NINL: variants seen among roughly 807,000 people sequenced by gnomAD.
NINL encodes the protein ninein like.
In NINL, 153 loss-of-function variants were observed where a neutral mutation model predicts 160.3. That is an observed-to-expected ratio of 0.95 (90% CI 0.84 to 1.09). The LOEUF is 1.09. NINL is among the 50% of genes least tolerant of loss of function. The pLI, the probability that NINL is intolerant of heterozygous loss-of-function variation, is 0.00. For missense variants in NINL, 1,829 were observed against 1,764.0 expected, an observed-to-expected ratio of 1.04 and a Z score of -0.66; for synonymous variants, 800 against 734.8, an observed-to-expected ratio of 1.09 and a Z score of -1.43.
In NINL at chr20:25,476,945, C is replaced by G. The variant is rs1189458201; in HGVS notation, c.2346G>C (p.Glu782Asp). ...CACAGGGCTGCAGCTTCAGTGCCCT[C>G]TCCAGCTCCAGCTGCTCCGACCTCT... is the stretch of plus-strand genomic sequence containing the variant. Reference protein sequence around the residue: ...GSQRSEQLELERALKLQPCAS... With the variant: ...GSQRSEQLELDRALKLQPCAS... Residue 782 changes from glutamate to aspartate, a missense_variant, in exon 17 of 24, where the codon GAG becomes GAC. By Grantham distance (45) the Glu-to-Asp change is conservative. Transcript: ENST00000278886. The G allele has an allele frequency of 6.2e-7, 1 of 1,610,488 alleles. No individual in the cohort carries two copies. The highest frequency in any genetic ancestry group is 1.7e-5 in the Admixed American group (1 of 59,984).
chr20:25,471,533 T>A (rs894689919), intron 17 of NINL, among the ~76,000 whole-genome samples: 9 of 151,952 alleles, frequency 5.9e-5, no homozygotes, highest in Admixed American at 5.2e-4. Flanking sequence ...AACAACTAGA[T>A]CCTGCGCAAA....
At chr20:25,514,374 G>A (rs1046877687) in intron 3 of NINL, among the ~76,000 whole-genome samples, 2 of 152,202 alleles carry the variant, frequency 1.3e-5, no homozygotes, top group Non-Finnish European at 2.9e-5. Context: ...TTCAAGATGT[G>A]CCCTGGCTGC....
At chr20:25,571,875 A>G (rs1187218371) in intron 1 of NINL, among the ~76,000 whole-genome samples, 15 of 150,324 alleles carry the variant, frequency 1.0e-4, no homozygotes, top group Non-Finnish European at 1.9e-4. Context: ...CTGAAAAAAA[A>G]AAAAAAAAAA....
At position 25,468,968 on chromosome 20, in the gene NINL, C is replaced by T. The variant is rs1357239073; in HGVS notation, c.3353+1023G>A. On this transcript the variant is annotated intron_variant, in intron 18 of 23. Transcript: ENST00000278886. Reference sequence around the variant, plus strand: ...ACTCTCACTGGTGGGTGCCCCACTGCCCTGTCCCCTGACTCTCACTGGTGA... The same window carrying T: ...ACTCTCACTGGTGGGTGCCCCACTGTCCTGTCCCCTGACTCTCACTGGTGA... Among the ~76,000 whole-genome samples, 196 of 140,484 alleles carry T rather than the reference C, an allele frequency of 1.4e-3. 1 individual carries two copies. Among genetic ancestry groups the T allele is most frequent in the African/African-American group, 4.8e-3 (164 of 34,188 alleles). The allele number at this position is 140,484 out of a possible 152,430, so 92.2% of individuals were successfully genotyped here. A position where few individuals can be genotyped will look rare whatever the true frequency, so the allele number is the denominator to read the frequency against.
At chr20:25,583,018 C>T (rs1001170386) in intron 1 of NINL, among the ~76,000 whole-genome samples, 2 of 152,134 alleles carry the variant, frequency 1.3e-5, no homozygotes, top group African/African-American at 4.8e-5. Context: ...AAACCCAAAA[C>T]CATAAAAAAC....
chr20:25,505,727 TGGATGGATGGACAGATAGCA>T (rs1422085852), intron 5 of NINL, among the ~76,000 whole-genome samples: 5 of 152,282 alleles, frequency 3.3e-5, no homozygotes, highest in African/African-American at 7.2e-5. Flanking sequence ...GATAGAGGGC[TGGATGGATGGACAGATAGCA>T]GGATGGATGG....
chr20:25,479,855 C>A (rs2063349751), intron 15 of NINL, among the ~76,000 whole-genome samples: 2 of 152,236 alleles, frequency 1.3e-5, no homozygotes, highest in Non-Finnish European at 2.9e-5. Flanking sequence ...CTGATTCCCA[C>A]CCACAGACCA....
intron 1 of NINL, among the ~76,000 whole-genome samples, chr20:25,571,892 A>G (rs2065058279): frequency 8.2e-6 from 1 of 121,994 alleles, no homozygotes; most frequent in African/African-American, 2.9e-5. Context: ...AAAAAAAAAA[A>G]AGGTTGCTTT....
intron 1 of NINL, among the ~76,000 whole-genome samples, chr20:25,530,706 A>G (rs1011177132): frequency 2.0e-5 from 3 of 152,150 alleles, no homozygotes; most frequent in African/African-American, 7.2e-5. Flanking sequence ...CTGCAAAACC[A>G]GCAAGTTTTT....
rs557501516 is a variant in NINL, at chr20:25,521,125, C to T, written c.181-3276G>A. Among the ~76,000 whole-genome samples the T allele has an allele frequency of 6.6e-5, 10 of 152,320 alleles. No homozygotes were observed. The South Asian group carries it at 1.4e-3, about 22-fold the overall frequency. ...CAGTTAAAGGGATGCTGGACTTTCT[C>T]ACTCCATCTGTACCACCTCTTTTTA... On this transcript the variant is annotated intron_variant, in intron 2 of 23. Coordinates refer to ENST00000278886, the MANE Select transcript of NINL (RefSeq NM_025176.6).
At position 25,585,518 on chromosome 20, in the gene NINL, C is replaced by G. The variant is rs1417112389; in HGVS notation, c.-75G>C. On this transcript the variant is annotated 5_prime_UTR_variant, in exon 1 of 24. Coordinates refer to ENST00000278886, the MANE Select transcript of NINL (RefSeq NM_025176.6). ...GAGCGCGGCACCACCCCCGTACCGCCGGCCGCTCTTTGTGTCTGGAGGCCG... is the reference window on the plus strand; with the variant it reads ...GAGCGCGGCACCACCCCCGTACCGCGGGCCGCTCTTTGTGTCTGGAGGCCG... 2 of 152,226 alleles carry G rather than the reference C, an allele frequency of 1.3e-5. No homozygotes were observed. Among genetic ancestry groups the G allele is most frequent in the Admixed American group, 6.5e-5 (1 of 15,284 alleles). 9.4% of individuals were successfully genotyped at this position (152,226 alleles called of 1,614,324 possible). A position where few individuals can be genotyped will look rare whatever the true frequency, so the allele number is the denominator to read the frequency against.
chr20:25,559,882 C>T (rs965623142), intron 1 of NINL, among the ~76,000 whole-genome samples: 2 of 152,060 alleles, frequency 1.3e-5, no homozygotes, highest in African/African-American at 2.4e-5. Flanking sequence ...GTTGGGATTA[C>T]AGGCGTGAGC....
At chr20:25,569,365 A>G (rs2065029803) in intron 1 of NINL, among the ~76,000 whole-genome samples, 2 of 152,246 alleles carry the variant, frequency 1.3e-5, no homozygotes. Flanking sequence ...AGGTGCATAC[A>G]TGCCAAGGAG....
At position 25,496,856 on chromosome 20, in the gene NINL, G is replaced by A. The variant is rs747307413; in HGVS notation, c.1170-53C>T. ...TGGGACCCCACTGCTGGCCTGACCC[G>A]CCATGCCAGGTGGCTCTGGGCCCCA... On this transcript the variant is annotated intron_variant, in intron 9 of 23. Transcript: ENST00000278886. 9.1e-5 allele frequency: 145 copies of A among 1,598,950 alleles called. No individual in the cohort carries two copies. The Admixed American group carries it at 1.1e-3, about 12-fold the overall frequency.
chr20:25,455,576 G>A lies in NINL; in HGVS notation c.3957+97C>T, dbSNP rs1198954532. ...TTAGTTCCCTGGAATTCTGTGACAA[G>A]ACAGCCTTTTCCTGTATTAGCTACC... On this transcript the variant is annotated intron_variant, in intron 23 of 23. Transcript: ENST00000278886. 6 of 820,018 alleles carry A rather than the reference G, an allele frequency of 7.3e-6. No individual in the cohort carries two copies. The African/African-American group carries it at 1.0e-4, about 14-fold the overall frequency. The allele number at this position is 820,018 out of a possible 1,614,324, so 50.8% of individuals were successfully genotyped here.
chr20:25,523,706 G>A (rs180771162), intron 2 of NINL, among the ~76,000 whole-genome samples: 2 of 152,032 alleles, frequency 1.3e-5, no homozygotes, highest in Non-Finnish European at 2.9e-5. Context: ...GCAATGGCGC[G>A]ATCTTGGCTC....
chr20:25,535,198 T>C (rs901489168), intron 1 of NINL, among the ~76,000 whole-genome samples: 2 of 152,118 alleles, frequency 1.3e-5, no homozygotes, highest in Admixed American at 1.3e-4. Flanking sequence ...CTTACTCAGA[T>C]GTGGATTCTA....
chr20:25,537,886 C>T (rs528045159), intron 1 of NINL, among the ~76,000 whole-genome samples: 1 of 151,514 alleles, frequency 6.6e-6, no homozygotes, highest in South Asian at 2.1e-4. Flanking sequence ...GTTAACTGCA[C>T]ACCTATACTT....
intron 10 of NINL, among the ~76,000 whole-genome samples, chr20:25,493,237 AGGAGC>A (rs1568907824): frequency 6.6e-6 from 1 of 152,174 alleles, no homozygotes; most frequent in East Asian, 1.9e-4. Flanking sequence ...GTGTCTCACA[AGGAGC>A]ACTCTTGTCT....
Sources: allele counts gnomAD v4.1 joint callset (sites outside exome capture counted in the v4.1 genomes callset), GRCh38; gene constraint gnomAD v4.1.1; transcripts MANE v1.5; gene names NCBI Gene and HGNC (gene_info 2026-07-23, HGNC 2026-07-21).